Variants in SWT1 observed in about 807,000 individuals in gnomAD.
The protein encoded by SWT1 is transcriptional protein SWT1.
A neutral mutation model predicts 107.3 loss-of-function variants in SWT1; 33 were observed. The observed-to-expected ratio is 0.31, with a 90% CI of 0.23 to 0.41. SWT1 has a LOEUF of 0.41. Among genes scored for constraint, SWT1 ranks in the 10% least tolerant of loss-of-function variants. The probability of loss-of-function intolerance (pLI) is 1.00; values close to 1 mark genes in which losing one functional copy is unlikely to be tolerated. For missense variants in SWT1, 898 were observed against 1,028.9 expected, an observed-to-expected ratio of 0.87 and a Z score of 1.74; for synonymous variants, 345 against 348.3, an observed-to-expected ratio of 0.99 and a Z score of 0.11.
At chr1:185,236,220 A>G (rs1428177190) in intron 16 of SWT1, among the ~76,000 whole-genome samples, 1 of 152,202 alleles carries the variant, frequency 6.6e-6, no homozygotes, top group East Asian at 1.9e-4. Context: ...ATGGAACCAA[A>G]AAAGAGCCCA....
intron 11 of SWT1, 32 bp from the exon 12 acceptor site, chr1:185,204,668 C>G: frequency 7.4e-7 from 1 of 1,356,464 alleles, no homozygotes; most frequent in Non-Finnish European, 1.0e-6. Context: ...TGTTAGCATT[C>G]TAAATAAAGT....
rs1303196556 is a variant in SWT1 at position 185,231,622 on chromosome 1, T to C, written c.2355T>C (p.Thr785=). 5.0e-6 allele frequency: 8 copies of C among 1,610,538 alleles called. No homozygotes were observed. Among genetic ancestry groups the C allele is most frequent in the Non-Finnish European group, 3.4e-6 (4 of 1,177,192 alleles). Residue 785 remains threonine, a synonymous_variant, in exon 16 of 19, where the codon ACT becomes ACC. Coordinates refer to ENST00000367500, the MANE Select transcript of SWT1 (RefSeq NM_017673.7). ...TGGGCTCAAATTCAGCTCTGACTACTTCAAATATAGCATCATTTGAAGAAG... is the reference window on the plus strand; with the variant it reads ...TGGGCTCAAATTCAGCTCTGACTACCTCAAATATAGCATCATTTGAAGAAG... ...QRLGSNSALT[T]SNIASFEEAF...
At chr1:185,164,294 A>C (rs891451146) in intron 2 of SWT1, among the ~76,000 whole-genome samples, 1 of 152,148 alleles carries the variant, frequency 6.6e-6, no homozygotes, top group African/African-American at 2.4e-5. Context: ...GCACAGGCAG[A>C]GTAGATTTAA....
At chr1:185,254,519 TG>T (rs1215394811) in intron 16 of SWT1, among the ~76,000 whole-genome samples, 3 of 145,116 alleles carry the variant, frequency 2.1e-5, no homozygotes, top group Non-Finnish European at 4.6e-5. Context: ...AGAGTGTATG[TG>T]TCGAGGAATT....
chr1:185,250,293 T>TA (rs1384554539), intron 16 of SWT1, among the ~76,000 whole-genome samples: 2 of 152,116 alleles, frequency 1.3e-5, no homozygotes, highest in Non-Finnish European at 2.9e-5. Flanking sequence ...CAACCATTCT[T>TA]AAGACCCTTA....
intron 7 of SWT1, among the ~76,000 whole-genome samples, 184 bp downstream of exon 7, chr1:185,182,241 C>T (rs1656080213): frequency 6.6e-6 from 1 of 152,150 alleles, no homozygotes; most frequent in Non-Finnish European, 1.5e-5. Flanking sequence ...ATTGGTTTTA[C>T]ATATTTCATA....
At chr1:185,199,820 A>G in intron 10 of SWT1, among the ~76,000 whole-genome samples, 1 of 152,134 alleles carries the variant, frequency 6.6e-6, no homozygotes, top group East Asian at 1.9e-4. Context: ...GTTCTCCTGG[A>G]TAATATCCTG....
At chr1:185,181,806 A>T in intron 6 of SWT1, 140 bp from the exon 7 acceptor site, 1 of 792,042 alleles carries the variant, frequency 1.3e-6, no homozygotes, top group Non-Finnish European at 1.9e-6. Context: ...TTGTTCTTTT[A>T]CTATGCTCCT....
intron 10 of SWT1, among the ~76,000 whole-genome samples, chr1:185,197,713 A>AT (rs537417984): frequency 2.5e-3 from 386 of 151,848 alleles, no homozygotes; most frequent in African/African-American, 8.7e-3. Flanking sequence ...GAATTTCTCC[A>AT]TTTTTTCTAG....
chr1:185,272,150 G>T (rs189054055), intron 17 of SWT1, among the ~76,000 whole-genome samples: 172 of 152,298 alleles, frequency 1.1e-3, no homozygotes, highest in African/African-American at 4.1e-3. Context: ...AGTTATTACT[G>T]GAAAGGAGAG....
At chr1:185,205,410 C>A (rs963533890) in intron 12 of SWT1, among the ~76,000 whole-genome samples, 1 of 152,126 alleles carries the variant, frequency 6.6e-6, no homozygotes, top group Admixed American at 6.5e-5. Flanking sequence ...CTCTTGTTGT[C>A]CAGGCTTGAG....
At chr1:185,171,116 C>G (rs1655018570) in intron 4 of SWT1, among the ~76,000 whole-genome samples, 1 of 152,048 alleles carries the variant, frequency 6.6e-6, no homozygotes, top group African/African-American at 2.4e-5. Context: ...GTCACCGTCT[C>G]CTTCTATTCT....
chr1:185,247,192 T>C (rs1041830046), intron 16 of SWT1, among the ~76,000 whole-genome samples: 2 of 152,184 alleles, frequency 1.3e-5, no homozygotes, highest in African/African-American at 2.4e-5. Context: ...TTGAAGAACA[T>C]TGAAAGCCAA....
At chr1:185,287,867 A>G (rs1665034950) in intron 18 of SWT1, among the ~76,000 whole-genome samples, 1 of 152,236 alleles carries the variant, frequency 6.6e-6, no homozygotes, top group African/African-American at 2.4e-5. Context: ...ATTGTCCAGA[A>G]TACTAACTCA....
At chr1:185,173,313 C>T (rs764990727) in intron 4 of SWT1, among the ~76,000 whole-genome samples, 8 of 151,768 alleles carry the variant, frequency 5.3e-5, no homozygotes, top group Non-Finnish European at 1.0e-4. Context: ...ATTTTTAATA[C>T]GCTAAAGTTT....
At chr1:185,253,170 GT>G (rs1662184295) in intron 16 of SWT1, among the ~76,000 whole-genome samples, 1 of 148,672 alleles carries the variant, frequency 6.7e-6, no homozygotes, top group Non-Finnish European at 1.5e-5. Context: ...GTACCATGCT[GT>G]TTTGGTTACT....
Position 185,204,875 on chromosome 1 carries a change from A to G in SWT1, c.1833+12A>G. ...ACCTTTGGATGGAGGTGATTAGTTG[A>G]ACTCTATTAGTTGAAAATTTCTTTT... is the stretch of plus-strand genomic sequence containing the variant. On this transcript the variant is annotated intron_variant, in intron 12 of 18. Coordinates refer to ENST00000367500, the MANE Select transcript of SWT1 (RefSeq NM_017673.7). The G allele has an allele frequency of 6.6e-7, 1 of 1,519,752 alleles. No homozygotes were observed. Among genetic ancestry groups the G allele is most frequent in the Admixed American group, 2.3e-5 (1 of 44,304 alleles). 94.1% of individuals were successfully genotyped at this position (1,519,752 alleles called of 1,614,324 possible).
At chr1:185,283,718 C>T (rs1198424152) in intron 18 of SWT1, among the ~76,000 whole-genome samples, 7 of 152,168 alleles carry the variant, frequency 4.6e-5, no homozygotes, top group Non-Finnish European at 1.0e-4. Flanking sequence ...ACCCCATCTC[C>T]GATGTATACA....
intron 16 of SWT1, among the ~76,000 whole-genome samples, chr1:185,241,498 A>T (rs1285495860): frequency 1.3e-5 from 2 of 152,142 alleles, no homozygotes; most frequent in Non-Finnish European, 2.9e-5. Flanking sequence ...AAAATAATAC[A>T]ATTTATTGTT....
Sources: gnomAD v4.1 joint callset for allele counts (sites outside exome capture counted in the v4.1 genomes callset) on GRCh38, gnomAD v4.1.1 for gene constraint, MANE v1.5 for transcripts, NCBI Gene and HGNC (gene_info 2026-07-23, HGNC 2026-07-21) for gene names.